Variants in GNG7 observed in about 807,000 individuals in gnomAD.
GNG7 encodes the protein guanine nucleotide-binding protein G(I)/G(S)/G(O) subunit gamma-7.
A neutral mutation model predicts 4.0 loss-of-function variants in GNG7; 1 was observed. The observed-to-expected ratio is 0.25, with a 90% CI of 0.09 to 1.18. GNG7 has a LOEUF of 1.18. Ranked by LOEUF, GNG7 falls within the 50% of genes most tolerant of loss-of-function variation. The pLI is 0.50. For missense variants in GNG7, 86 were observed against 91.9 expected (o/e 0.94, Z 0.26); for synonymous variants, 34 against 36.9 (o/e 0.92, Z 0.29).
chr19:2,572,430 ACTTTTT>A (rs1034062213), intron 2 of GNG7, among the ~76,000 whole-genome samples: 1 of 150,306 alleles, frequency 6.7e-6, no homozygotes, highest in African/African-American at 2.5e-5. Context: ...TAGTTCCAAC[ACTTTTT>A]CTTTTCTTTT....
intron 3 of GNG7, among the ~76,000 whole-genome samples, chr19:2,542,654 C>T (rs35511982): frequency 0.15 from 23,213 of 152,034 alleles, 1,891 homozygotes; most frequent in East Asian, 0.29. Context: ...CTCAGGCAGG[C>T]GTGTTGCTCT....
chr19:2,589,187 C>T (rs984885537), intron 2 of GNG7, among the ~76,000 whole-genome samples: 1 of 151,824 alleles, frequency 6.6e-6, no homozygotes, highest in Non-Finnish European at 1.5e-5. Flanking sequence ...CTCAGCCTCC[C>T]AAAGTGCTGG....
chr19:2,629,272 A>C (rs1982097771), intron 2 of GNG7, among the ~76,000 whole-genome samples: 1 of 152,214 alleles, frequency 6.6e-6, no homozygotes, highest in East Asian at 1.9e-4. Context: ...AAAGAACTCC[A>C]AATGTCCCTT....
intron 1 of GNG7, among the ~76,000 whole-genome samples, chr19:2,699,364 G>A (rs1237723001): frequency 2.0e-5 from 3 of 152,068 alleles, no homozygotes; most frequent in Admixed American, 2.0e-4. Context: ...GGCCAGGATG[G>A]TCTTGAATTC....
intron 1 of GNG7, among the ~76,000 whole-genome samples, chr19:2,683,892 G>T (rs1182682007): frequency 6.6e-6 from 1 of 152,200 alleles, no homozygotes; most frequent in Non-Finnish European, 1.5e-5. Context: ...GCTGGCTAGG[G>T]AGCTGGTGGA....
chr19:2,675,984 G>C (rs996495555), intron 1 of GNG7, among the ~76,000 whole-genome samples: 8 of 152,230 alleles, frequency 5.3e-5, no homozygotes, highest in Non-Finnish European at 1.2e-4. Flanking sequence ...ATTAAGATGA[G>C]CCCTAAATCC....
At chr19:2,701,230 A>G (rs1415754872) in intron 1 of GNG7, 1 of 151,754 alleles carries the variant, frequency 6.6e-6, no homozygotes, top group African/African-American at 2.4e-5. Flanking sequence ...AACAATTAAC[A>G]TCTCCCCCAA....
chr19:2,608,130 T>G (rs1397206891), intron 2 of GNG7, among the ~76,000 whole-genome samples: 1 of 146,172 alleles, frequency 6.8e-6, no homozygotes. Context: ...TAGGCTGAGG[T>G]CGCCGCCCTG....
intron 2 of GNG7, chr19:2,643,190 G>C (rs539968507): frequency 2.2e-6 from 1 of 452,742 alleles, no homozygotes; most frequent in Admixed American, 2.4e-5. Context: ...AGACCTCTCC[G>C]GGCTCTGCAC....
chr19:2,649,023 G>A (rs1170088697), intron 1 of GNG7, among the ~76,000 whole-genome samples: 2 of 151,732 alleles, frequency 1.3e-5, no homozygotes, highest in African/African-American at 2.4e-5. Context: ...TGAGGAGCTG[G>A]GCCTACAGGT....
intron 1 of GNG7, among the ~76,000 whole-genome samples, chr19:2,661,857 C>G (rs1983189335): frequency 6.6e-6 from 1 of 152,132 alleles, no homozygotes. Flanking sequence ...ATGATACAGC[C>G]CCAGCACATT....
chr19:2,599,818 T>A (rs942929647), intron 2 of GNG7, among the ~76,000 whole-genome samples: 2 of 151,806 alleles, frequency 1.3e-5, no homozygotes, highest in Non-Finnish European at 2.9e-5. Context: ...TGGCCTGTGA[T>A]CCCAGCTACT....
chr19:2,552,529 T>C (rs547558405), intron 3 of GNG7, among the ~76,000 whole-genome samples: 48 of 151,970 alleles, frequency 3.2e-4, no homozygotes, highest in African/African-American at 1.1e-3. Flanking sequence ...GGACTACAGG[T>C]GCCCACCACC....
chr19:2,701,428 C>G (rs1214416949), intron 1 of GNG7, among the ~76,000 whole-genome samples: 1 of 151,302 alleles, frequency 6.6e-6, no homozygotes, highest in East Asian at 2.0e-4. Context: ...TCCCTGAACC[C>G]CCTTCCACCC....
At chr19:2,521,275 A>C (rs544437049) in intron 3 of GNG7, among the ~76,000 whole-genome samples, 172 of 152,102 alleles carry the variant, frequency 1.1e-3, no homozygotes, top group African/African-American at 3.6e-3. Flanking sequence ...CAAAAAAAAA[A>C]ATAAAGAAAA....
chr19:2,621,855 C>T (rs1250697516), intron 2 of GNG7, among the ~76,000 whole-genome samples: 2 of 152,102 alleles, frequency 1.3e-5, no homozygotes, highest in African/African-American at 4.8e-5. Flanking sequence ...TCCTGTAGCG[C>T]CCAGGGGAGC....
chr19:2,547,081 C>T (rs1295232661), intron 3 of GNG7, among the ~76,000 whole-genome samples: 1 of 151,664 alleles, frequency 6.6e-6, no homozygotes, highest in Non-Finnish European at 1.5e-5. Flanking sequence ...CATGCCCCCC[C>T]CCCAGAAAAC....
intron 4 of GNG7, among the ~76,000 whole-genome samples, chr19:2,519,801 A>G (rs1257081019): frequency 1.3e-5 from 2 of 152,148 alleles, no homozygotes; most frequent in Non-Finnish European, 2.9e-5. Flanking sequence ...CTGGGTCTCC[A>G]GCCTGCTGGC....
At chr19:2,629,143 C>T (rs1210455858) in intron 2 of GNG7, among the ~76,000 whole-genome samples, 1 of 152,146 alleles carries the variant, frequency 6.6e-6, no homozygotes, top group East Asian at 1.9e-4. Context: ...ACAGAGAAAA[C>T]AGCAAAGAAC....
Sources: gnomAD v4.1 joint callset for allele counts (sites outside exome capture counted in the v4.1 genomes callset) on GRCh38, gnomAD v4.1.1 for gene constraint, MANE v1.5 for transcripts, NCBI Gene and HGNC (gene_info 2026-07-23, HGNC 2026-07-21) for gene names.